The following KIF26B variants were observed in gnomAD, a reference collection of about 807,000 sequenced individuals.
KIF26B encodes the protein kinesin-like protein KIF26B.
Under a neutral mutation model 151.2 loss-of-function variants are expected in KIF26B, and 63 were observed. The observed-to-expected ratio is 0.42, with a 90% CI of 0.34 to 0.51. KIF26B has a LOEUF of 0.51. KIF26B is among the 20% of genes least tolerant of loss of function. The pLI, the probability that KIF26B is intolerant of heterozygous loss-of-function variation, is 0.07. For missense variants in KIF26B, 2,813 were observed against 2,913.6 expected (o/e 0.97, Z 0.79); for synonymous variants, 1,357 against 1,262.1 (o/e 1.08, Z -1.59).
chr1:245,248,335 T>A (rs1050714689), intron 2 of KIF26B, among the ~76,000 whole-genome samples: 5 of 152,210 alleles, frequency 3.3e-5, no homozygotes, highest in Non-Finnish European at 7.3e-5. Flanking sequence ...GCGCCTGGCA[T>A]GCCTCCGCCT....
At chr1:245,608,684 T>A (rs2043483503) in intron 7 of KIF26B, among the ~76,000 whole-genome samples, 1 of 152,182 alleles carries the variant, frequency 6.6e-6, no homozygotes, top group Admixed American at 6.5e-5. Context: ...AGGAACTGGA[T>A]AGCATGTGAT....
In KIF26B at chr1:245,386,697, A is replaced by T. The variant is rs140881657; in HGVS notation, c.999+19330A>T. Among the ~76,000 whole-genome samples the T allele has an allele frequency of 5.8e-3, 878 of 152,348 alleles. 7 individuals carry two copies. The highest frequency in any genetic ancestry group is 0.02 in the African/African-American group (832 of 41,588). ...AACAACCTCCTATTTACAGCTCTCC[A>T]TCGATAAGATATGCAATGAACAACT... On this transcript the variant is annotated intron_variant, in intron 3 of 14. Transcript: ENST00000407071.
chr1:245,210,889 C>G (rs12043821), intron 2 of KIF26B, among the ~76,000 whole-genome samples: 1 of 152,138 alleles, frequency 6.6e-6, no homozygotes, highest in Non-Finnish European at 1.5e-5. Context: ...GAAGCCCTTT[C>G]AGAAGACACA....
At chr1:245,202,638 T>C (rs951691997) in intron 2 of KIF26B, among the ~76,000 whole-genome samples, 1 of 151,750 alleles carries the variant, frequency 6.6e-6, no homozygotes, top group Non-Finnish European at 1.5e-5. Context: ...CGGGCGCCTG[T>C]AGTCCCAGCT....
At chr1:245,502,805 CA>C (rs1660649989) in intron 4 of KIF26B, among the ~76,000 whole-genome samples, 1 of 150,882 alleles carries the variant, frequency 6.6e-6, no homozygotes, top group African/African-American at 2.4e-5. Flanking sequence ...TTTGTCATGA[CA>C]GGGGGATATC....
chr1:245,229,222 TC>T (rs1669941164), intron 2 of KIF26B, among the ~76,000 whole-genome samples: 2 of 152,164 alleles, frequency 1.3e-5, no homozygotes, highest in South Asian at 4.1e-4. Context: ...TCCACCCACT[TC>T]GGTCTCCCAA....
chr1:245,472,469 A>G (rs769002466), intron 4 of KIF26B, among the ~76,000 whole-genome samples: 1 of 152,196 alleles, frequency 6.6e-6, no homozygotes, highest in African/African-American at 2.4e-5. Context: ...TACTGTACTT[A>G]TATTTATCAA....
chr1:245,379,416 T>A (rs1448169183), intron 3 of KIF26B, among the ~76,000 whole-genome samples: 10 of 151,462 alleles, frequency 6.6e-5, no homozygotes, highest in Non-Finnish European at 1.5e-4. Flanking sequence ...CCCAAACAAG[T>A]CAAACGTTAT....
rs748325345 is a variant in KIF26B at position 245,367,417 on chromosome 1, C to T, written c.999+50C>T. The T allele has an allele frequency of 1.3e-5, 20 of 1,489,170 alleles. No individual in the cohort carries two copies. Among genetic ancestry groups the T allele is most frequent in the African/African-American group, 1.1e-4 (8 of 71,938 alleles). The allele number at this position is 1,489,170 out of a possible 1,614,324, so 92.2% of individuals were successfully genotyped here. On this transcript the variant is annotated intron_variant, in intron 3 of 14. Transcript: ENST00000407071. The surrounding 1 kb of genome is among the most constrained non-coding windows in gnomAD (Gnocchi z 4.2). ...AGAGCAGGGCTGGCTGGAGTCAAAG[C>T]GGAGAAGTAGGCAGCACTTCCTTCC... is the stretch of plus-strand genomic sequence containing the variant.
chr1:245,173,981 C>T (rs1668760013), intron 2 of KIF26B, among the ~76,000 whole-genome samples: 1 of 152,212 alleles, frequency 6.6e-6, no homozygotes, highest in African/African-American at 2.4e-5. Context: ...CAGTCGTCAT[C>T]ACTAAGTAAA....
chr1:245,515,728 T>C (rs1004492279), intron 4 of KIF26B, among the ~76,000 whole-genome samples: 2 of 152,218 alleles, frequency 1.3e-5, no homozygotes, highest in Non-Finnish European at 2.9e-5. Flanking sequence ...CCAGGCTTTA[T>C]GTGGGCTAGA....
chr1:245,631,852 A>G (rs565911000), intron 9 of KIF26B, among the ~76,000 whole-genome samples: 1 of 151,924 alleles, frequency 6.6e-6, no homozygotes, highest in East Asian at 1.9e-4. Context: ...GAGCTTTCCA[A>G]TTTGTTCGTG....
At chr1:245,620,410 T>C (rs1052189244) in intron 9 of KIF26B, among the ~76,000 whole-genome samples, 22 of 152,154 alleles carry the variant, frequency 1.4e-4, no homozygotes, top group African/African-American at 5.1e-4. Flanking sequence ...AAAAAAATTT[T>C]TTTTTTTGAG....
At chr1:245,474,774 C>T (rs991405156) in intron 4 of KIF26B, among the ~76,000 whole-genome samples, 2 of 151,882 alleles carry the variant, frequency 1.3e-5, no homozygotes, top group African/African-American at 4.8e-5. Flanking sequence ...AACAACTTCT[C>T]TTCGTCTCCC....
At chr1:245,440,762 T>G (rs554725060) in intron 4 of KIF26B, among the ~76,000 whole-genome samples, 1 of 152,236 alleles carries the variant, frequency 6.6e-6, no homozygotes, top group Non-Finnish European at 1.5e-5. Flanking sequence ...ACTTTTATCA[T>G]GTAACACATC....
At chr1:245,180,187 A>G (rs1162870873) in intron 2 of KIF26B, among the ~76,000 whole-genome samples, 6 of 152,240 alleles carry the variant, frequency 3.9e-5, no homozygotes, top group African/African-American at 1.4e-4. Context: ...TCGTCTTCCT[A>G]TGAAATATTG....
At chr1:245,418,892 C>T (rs1431868257) in intron 3 of KIF26B, among the ~76,000 whole-genome samples, 1 of 152,152 alleles carries the variant, frequency 6.6e-6, no homozygotes, top group Non-Finnish European at 1.5e-5. Flanking sequence ...ATGGACCGAG[C>T]TCCATCCACT....
intron 3 of KIF26B, among the ~76,000 whole-genome samples, chr1:245,391,742 T>A (rs1254769928): frequency 6.6e-6 from 1 of 152,010 alleles, no homozygotes; most frequent in Non-Finnish European, 1.5e-5. Flanking sequence ...TAGAAAATAA[T>A]TACATTTCAT....
chr1:245,539,582 G>A (rs1661557260), intron 4 of KIF26B, among the ~76,000 whole-genome samples: 1 of 152,166 alleles, frequency 6.6e-6, no homozygotes, highest in Non-Finnish European at 1.5e-5. Flanking sequence ...TAGAGTCTGT[G>A]AAATGCCTTC....
Sources: gnomAD v4.1 joint callset for allele counts (sites outside exome capture counted in the v4.1 genomes callset) on GRCh38, gnomAD v4.1.1 for gene constraint, Gnocchi (gnomAD v3.1) non-coding constraint, MANE v1.5 for transcripts, NCBI Gene and HGNC (gene_info 2026-07-23, HGNC 2026-07-21) for gene names.